The following GLI2 variants were observed in gnomAD, a reference collection of about 807,000 sequenced individuals.
The protein encoded by GLI2 is GLI family zinc finger 2, also known as transcription activator GLI2.
GLI2 carries 22 observed loss-of-function variants against 78.9 expected under a neutral mutation model. The ratio of observed to expected loss-of-function variants is 0.28; its 90% CI spans 0.20 to 0.40. The LOEUF (loss-of-function observed/expected upper bound fraction) is 0.40. GLI2 is among the 10% of genes least tolerant of loss of function. GLI2 has a pLI of 1.00. For missense variants in GLI2, 2,097 were observed against 2,213.2 expected, an observed-to-expected ratio of 0.95 and a Z score of 1.05; for synonymous variants, 974 against 963.7, an observed-to-expected ratio of 1.01 and a Z score of -0.20.
rs1683160288 is a variant in GLI2 at position 120,989,294 on chromosome 2, G to A, written c.3329G>A (p.Cys1110Tyr). The A allele has an allele frequency of 1.9e-6, 3 of 1,613,100 alleles. No homozygotes were observed. The highest frequency in any genetic ancestry group is 3.3e-5 in the Admixed American group (2 of 60,038). Residue 1110 changes from cysteine to tyrosine, a missense_variant, in exon 14 of 14, where the codon TGC (cysteine) becomes TAC (tyrosine). Physicochemically the swap from Cys to Tyr is radical, Grantham distance 194. Around this residue, in one of 5 missense-constraint regions of GLI2, gnomAD observed 1,290 missense variants for 1,261.7 expected, o/e 1.02. Coordinates refer to ENST00000361492, the MANE Select transcript of GLI2 (RefSeq NM_001374353.1). ...VGPSAPMLGG[C>Y]QLGFGAPSSL... ...CCCTCCGCCCCTATGCTGGGAGGAT[G>A]CCAGTTAGGCTTTGGGGCGCCCTCC... is the stretch of plus-strand genomic sequence containing the variant.
At chr2:120,962,723 G>A (rs1681644337) in intron 5 of GLI2, among the ~76,000 whole-genome samples, 1 of 152,208 alleles carries the variant, frequency 6.6e-6, no homozygotes, top group Non-Finnish European at 1.5e-5. Context: ...AAGGGAAGAG[G>A]CGCATTAATA....
intron 2 of GLI2, among the ~76,000 whole-genome samples, chr2:120,870,743 A>G (rs1042586569): frequency 1.3e-5 from 2 of 152,120 alleles, no homozygotes; most frequent in African/African-American, 2.4e-5. Flanking sequence ...TGCTGTCATC[A>G]TAGGTGTGTG....
chr2:120,742,211 A>G (rs1424655936), intron 1 of GLI2, among the ~76,000 whole-genome samples: 2 of 152,204 alleles, frequency 1.3e-5, no homozygotes, highest in African/African-American at 4.8e-5. Flanking sequence ...ACTCCCGGCG[A>G]CAGGAAAGGA....
At chr2:120,816,236 A>ACTGGAGTG (rs1356197603) in intron 2 of GLI2, among the ~76,000 whole-genome samples, 20 of 146,678 alleles carry the variant, frequency 1.4e-4, no homozygotes, top group African/African-American at 4.9e-4. Flanking sequence ...TGTCGCCCAG[A>ACTGGAGTG]CTGGAGTGCA....
At chr2:120,859,487 G>A (rs1416404627) in intron 2 of GLI2, among the ~76,000 whole-genome samples, 11 of 130,904 alleles carry the variant, frequency 8.4e-5, no homozygotes, top group African/African-American at 2.1e-4. Context: ...ACAGAGTCTC[G>A]CTCTGTCACC....
At chr2:120,882,601 G>T (rs1573533162) in intron 2 of GLI2, among the ~76,000 whole-genome samples, 1 of 152,198 alleles carries the variant, frequency 6.6e-6, no homozygotes, top group Non-Finnish European at 1.5e-5. Flanking sequence ...TTTGAGCGCG[G>T]GTGTCTGGGC....
chr2:120,835,294 G>T (rs912618139), intron 2 of GLI2, among the ~76,000 whole-genome samples: 3 of 151,918 alleles, frequency 2.0e-5, no homozygotes, highest in African/African-American at 7.3e-5. Flanking sequence ...GGTGGGAGTT[G>T]ATCAGATGCA....
At chr2:120,982,512 C>T (rs1682759520) in intron 10 of GLI2, among the ~76,000 whole-genome samples, 1 of 152,134 alleles carries the variant, frequency 6.6e-6, no homozygotes, top group African/African-American at 2.4e-5. Flanking sequence ...AGCCCCTGGG[C>T]GACCGGTGGT....
chr2:120,917,345 A>G (rs1032419214), intron 2 of GLI2, among the ~76,000 whole-genome samples: 18 of 152,368 alleles, frequency 1.2e-4, no homozygotes, highest in Admixed American at 1.1e-3. Context: ...ATTGACGACC[A>G]TGTAGCCAGT....
At chr2:120,812,336 C>T (rs888395957) in intron 2 of GLI2, among the ~76,000 whole-genome samples, 3 of 152,148 alleles carry the variant, frequency 2.0e-5, no homozygotes, top group African/African-American at 4.8e-5. Flanking sequence ...CTGGATGGGC[C>T]CTTGTGCAGG....
In GLI2 at chr2:120,739,223, G is replaced by A. The variant is rs117801181; in HGVS notation, c.-31+2938G>A. 1.2e-4 allele frequency among the ~76,000 whole-genome samples: 18 copies of A among 152,302 alleles called. No individual in the cohort carries two copies. In the East Asian group the frequency reaches 3.5e-3, roughly 29 times the overall value. Reference sequence around the variant, plus strand: ...TAGCAAACCAGGGATTCAGCAGGCAGGCAGACAAAATTGGATATTTGCCTA... The same window carrying A: ...TAGCAAACCAGGGATTCAGCAGGCAAGCAGACAAAATTGGATATTTGCCTA... On this transcript the variant is annotated intron_variant, in intron 1 of 13. Transcript: ENST00000361492.
intron 5 of GLI2, among the ~76,000 whole-genome samples, chr2:120,960,005 G>T (rs1328575578): frequency 6.6e-6 from 1 of 152,194 alleles, no homozygotes; most frequent in Non-Finnish European, 1.5e-5. Flanking sequence ...AGAGCTCATG[G>T]ACAGCCAAGG....
chr2:120,986,301 C>T lies in GLI2; in HGVS notation c.1929C>T (p.Ala643=), dbSNP rs1682970189. ...SSGLCQSSPG[A]QSSCSSEPSP... is the part of the protein sequence containing the mutation. ...AGCTGTGTCAGTCCAGCCCCGGGGC[C>T]CAGTCGTCCTGCAGCAGCGAGCCCT... The change falls in exon 13 of 14, where the codon GCC becomes GCT. Residue 643 remains alanine (A), a synonymous_variant. Transcript: ENST00000361492. The T allele has an allele frequency of 1.9e-6, 3 of 1,613,294 alleles. No homozygotes were observed. The Middle Eastern group carries it at 4.9e-4, about 266-fold the overall frequency.
At chr2:120,782,762 C>T (rs564885737) in intron 1 of GLI2, among the ~76,000 whole-genome samples, 1 of 152,244 alleles carries the variant, frequency 6.6e-6, no homozygotes, top group Non-Finnish European at 1.5e-5. Context: ...CTGGTCTCAA[C>T]CCACTGGCCA....
intron 2 of GLI2, among the ~76,000 whole-genome samples, chr2:120,874,635 G>A (rs891820898): frequency 1.3e-5 from 2 of 152,148 alleles, no homozygotes; most frequent in African/African-American, 4.8e-5. Context: ...ATGGTCTCTC[G>A]GCATGCATTG....
At chr2:120,945,712 C>T (rs892933538) in intron 3 of GLI2, among the ~76,000 whole-genome samples, 2 of 152,326 alleles carry the variant, frequency 1.3e-5, no homozygotes, top group African/African-American at 4.8e-5. Context: ...AGCAGCCCCA[C>T]GCTTGCACCC....
In GLI2 at chr2:120,975,042, T is replaced by C. The variant is rs1242748019; in HGVS notation, c.1250T>C (p.Ile417Thr). Residue 417 changes from isoleucine (I) to threonine (T), a missense_variant, in exon 9 of 14, where the codon ATC (isoleucine) becomes ACC (threonine). Transcript: ENST00000361492. The stretch of plus-strand genomic sequence containing the variant: ...TGTAAGCAGGAGGCTGAGGTGGTCA[T>C]CTATGAGACCAACTGCCACTGGGAA... The part of the protein sequence containing the change: ...DDCKQEAEVV[I>T]YETNCHWEDC... 6.2e-7 allele frequency: 1 copy of C among 1,614,036 alleles called. No homozygotes were observed. Among genetic ancestry groups the C allele is most frequent in the South Asian group, 1.1e-5 (1 of 91,082 alleles).
At chr2:120,749,637 C>T (rs942085679) in intron 1 of GLI2, among the ~76,000 whole-genome samples, 8 of 152,218 alleles carry the variant, frequency 5.3e-5, no homozygotes, top group African/African-American at 1.7e-4. Flanking sequence ...TTCTAGGACT[C>T]TGTAAGCTAT....
intron 1 of GLI2, among the ~76,000 whole-genome samples, chr2:120,770,257 C>T (rs1366185136): frequency 6.6e-6 from 1 of 152,236 alleles, no homozygotes; most frequent in African/African-American, 2.4e-5. Flanking sequence ...CCCCCAGCCT[C>T]CTCCTGTCCA....
Sources: allele counts gnomAD v4.1 joint callset (sites outside exome capture counted in the v4.1 genomes callset), GRCh38; gene constraint gnomAD v4.1.1; regional missense constraint gnomAD v4.1.1; transcripts MANE v1.5; gene names NCBI Gene and HGNC (gene_info 2026-07-23, HGNC 2026-07-21).